B3GALT1: variants seen among roughly 807,000 people sequenced by gnomAD.
B3GALT1 encodes the protein UDP-Gal:betaGlcNAc beta 1,3-galactosyltransferase, polypeptide 1.
B3GALT1 carries 10 observed loss-of-function variants against 23.2 expected under a neutral mutation model. The observed-to-expected ratio is 0.43, with a 90% confidence interval of 0.27 to 0.73. The LOEUF (loss-of-function observed/expected upper bound fraction) is 0.73, where lower values mean the gene tolerates loss of function less well. Ranked by LOEUF, B3GALT1 falls within the 30% of genes least tolerant of loss-of-function variation. B3GALT1 has a pLI of 0.21. For synonymous variants in B3GALT1, 156 were observed against 141.5 expected (o/e 1.10, Z -0.73); for missense variants, 299 against 405.4 (o/e 0.74, Z 2.25).
At chr2:167,298,700 T>G (rs573415215) in intron 1 of B3GALT1, among the ~76,000 whole-genome samples, 24 of 152,230 alleles carry the variant, frequency 1.6e-4, no homozygotes, top group Non-Finnish European at 3.5e-4. Flanking sequence ...GGACCTTTTA[T>G]TTCCCAAGGT....
intron 3 of B3GALT1, among the ~76,000 whole-genome samples, chr2:167,803,556 C>T (rs1164369537): frequency 6.6e-6 from 1 of 152,086 alleles, no homozygotes; most frequent in Non-Finnish European, 1.5e-5. Context: ...TGCAGTCTTC[C>T]AGGTAAGGAA....
At chr2:167,717,543 G>A (rs1687171320) in intron 3 of B3GALT1, among the ~76,000 whole-genome samples, 1 of 151,774 alleles carries the variant, frequency 6.6e-6, no homozygotes, top group Admixed American at 6.6e-5. Context: ...CGCCACACCT[G>A]TCCTCATAAT....
chr2:167,465,189 A>G (rs182416011), intron 1 of B3GALT1, among the ~76,000 whole-genome samples: 1 of 152,214 alleles, frequency 6.6e-6, no homozygotes, highest in Admixed American at 6.5e-5. Flanking sequence ...AACTTGTTTG[A>G]GTTTGTGTAT....
intron 2 of B3GALT1, among the ~76,000 whole-genome samples, chr2:167,639,408 A>C (rs901901837): frequency 1.3e-5 from 2 of 152,006 alleles, no homozygotes; most frequent in African/African-American, 4.8e-5. Flanking sequence ...AAGCTTACAG[A>C]AGTCATTTAT....
At chr2:167,827,174 C>T (rs1477299786) in intron 4 of B3GALT1, among the ~76,000 whole-genome samples, 1 of 152,154 alleles carries the variant, frequency 6.6e-6, no homozygotes, top group Non-Finnish European at 1.5e-5. Flanking sequence ...AGATGCCTCA[C>T]AAGCTATTTC....
chr2:167,689,446 G>A (rs928351555), intron 3 of B3GALT1, among the ~76,000 whole-genome samples: 1 of 151,410 alleles, frequency 6.6e-6, no homozygotes, highest in African/African-American at 2.4e-5. Flanking sequence ...AAGAATAAAA[G>A]GAGGAATAGT....
chr2:167,670,523 C>G (rs937002278), intron 3 of B3GALT1, among the ~76,000 whole-genome samples: 4 of 152,052 alleles, frequency 2.6e-5, no homozygotes, highest in African/African-American at 9.7e-5. Context: ...AGCATGATAC[C>G]ACCAAAGTAA....
chr2:167,394,341 A>G (rs1239660332), intron 1 of B3GALT1, among the ~76,000 whole-genome samples: 1 of 152,216 alleles, frequency 6.6e-6, no homozygotes, highest in African/African-American at 2.4e-5. Context: ...TACAAAAATC[A>G]GATTATCTCA....
intron 1 of B3GALT1, among the ~76,000 whole-genome samples, chr2:167,393,339 G>T (rs910406129): frequency 2.0e-5 from 3 of 151,290 alleles, no homozygotes; most frequent in African/African-American, 7.3e-5. Context: ...AAGCACCAAG[G>T]TTCATTAAAG....
At chr2:167,602,773 C>G (rs761399520) in intron 2 of B3GALT1, among the ~76,000 whole-genome samples, 1 of 152,088 alleles carries the variant, frequency 6.6e-6, no homozygotes, top group Non-Finnish European at 1.5e-5. Context: ...ATCATTTGCT[C>G]ATCCTGGTCT....
intron 1 of B3GALT1, among the ~76,000 whole-genome samples, chr2:167,451,178 T>C (rs1439188320): frequency 1.3e-5 from 2 of 152,164 alleles, no homozygotes; most frequent in South Asian, 2.1e-4. Context: ...ACTGACCTTC[T>C]GAATTCTTTT....
intron 1 of B3GALT1, among the ~76,000 whole-genome samples, chr2:167,339,097 C>T (rs1328616644): frequency 6.6e-6 from 1 of 152,034 alleles, no homozygotes; most frequent in Admixed American, 6.6e-5. Context: ...TAGCAATTCT[C>T]CTTTTATGTG....
At chr2:167,674,034 A>G (rs1686381090) in intron 3 of B3GALT1, among the ~76,000 whole-genome samples, 1 of 152,142 alleles carries the variant, frequency 6.6e-6, no homozygotes. Context: ...GCAAATTGTT[A>G]TTTTAATTAA....
intron 1 of B3GALT1, among the ~76,000 whole-genome samples, chr2:167,307,710 C>G: frequency 6.6e-6 from 1 of 151,920 alleles, no homozygotes; most frequent in Non-Finnish European, 1.5e-5. Flanking sequence ...GAGCCTCTTT[C>G]TTTTTCCTCT....
chr2:167,786,434 C>A (rs1479584599), intron 3 of B3GALT1, among the ~76,000 whole-genome samples: 1 of 152,178 alleles, frequency 6.6e-6, no homozygotes, highest in African/African-American at 2.4e-5. Context: ...TGCAGTCATA[C>A]TACCCTTATT....
At chr2:167,867,058 C>G (rs545891630) in intron 4 of B3GALT1, among the ~76,000 whole-genome samples, 6 of 151,922 alleles carry the variant, frequency 3.9e-5, no homozygotes, top group African/African-American at 7.2e-5. Context: ...TCCCGAGTAG[C>G]TGGGACTACA....
At chr2:167,442,013 A>G (rs902021708) in intron 1 of B3GALT1, among the ~76,000 whole-genome samples, 10 of 151,884 alleles carry the variant, frequency 6.6e-5, no homozygotes, top group African/African-American at 1.2e-4. Flanking sequence ...ATATCTCCCA[A>G]TGCTATCCCT....
chr2:167,396,532 ATATGTGTGTGTG>A (rs942783273), intron 1 of B3GALT1, among the ~76,000 whole-genome samples: 11 of 79,554 alleles, frequency 1.4e-4, no homozygotes, highest in African/African-American at 3.3e-4. Context: ...ATATATATAT[ATATGTGTGTGTG>A]TGTGTGTGTG....
intron 1 of B3GALT1, among the ~76,000 whole-genome samples, chr2:167,325,957 C>T (rs948211030): frequency 1.3e-5 from 2 of 151,984 alleles, no homozygotes; most frequent in African/African-American, 4.8e-5. Flanking sequence ...ACCTTGTGGT[C>T]CACCCGCCTT....
Sources: allele counts gnomAD v4.1 joint callset (sites outside exome capture counted in the v4.1 genomes callset), GRCh38; gene constraint gnomAD v4.1.1; transcripts MANE v1.5; gene names NCBI Gene and HGNC (gene_info 2026-07-23, HGNC 2026-07-21).